The following PHF24 variants were observed in gnomAD, a reference collection of about 807,000 sequenced individuals.
The protein encoded by PHF24 is PHD finger protein 24, also known as Galpha inhibitory interacting protein.
Under a neutral mutation model 42.6 loss-of-function variants are expected in PHF24, and 25 were observed. The ratio of observed to expected loss-of-function variants is 0.59; its 90% CI spans 0.43 to 0.82. PHF24 has a LOEUF of 0.82. Ranked by LOEUF, PHF24 falls within the 40% of genes least tolerant of loss-of-function variation. The pLI is 0.00. For missense variants in PHF24, 470 were observed against 538.1 expected, an observed-to-expected ratio of 0.87 and a Z score of 1.25; for synonymous variants, 185 against 204.8, an observed-to-expected ratio of 0.90 and a Z score of 0.83.
chr9:34,855,294 G>A, the PHF24 span, among the ~76,000 whole-genome samples: 12 of 152,274 alleles, frequency 7.9e-5, no homozygotes, highest in Admixed American at 3.9e-4. Flanking sequence ...ACATTGTTAT[G>A]TGTGAATTTG....
chr9:34,716,076 G>C, the PHF24 span, among the ~76,000 whole-genome samples: 1 of 152,178 alleles, frequency 6.6e-6, no homozygotes, highest in Non-Finnish European at 1.5e-5. Flanking sequence ...CAAAGGGCCT[G>C]GGTGCGTTGC....
At chr9:34,850,179 T>C in the PHF24 span, among the ~76,000 whole-genome samples, 27 of 152,332 alleles carry the variant, frequency 1.8e-4, no homozygotes, top group African/African-American at 6.0e-4. Context: ...TTCTCCTGGA[T>C]AATATCCTGC....
chr9:34,966,806 A>G (rs1213400260), intron 1 of PHF24, among the ~76,000 whole-genome samples: 4 of 152,106 alleles, frequency 2.6e-5, no homozygotes, highest in African/African-American at 7.2e-5. Flanking sequence ...GTCTCAAGCA[A>G]TCCTCATGCT....
chr9:34,725,663 A>C, the PHF24 span: 1 of 1,536,494 alleles, frequency 6.5e-7, no homozygotes, highest in Non-Finnish European at 8.8e-7. Flanking sequence ...CCTCTGTAGC[A>C]GGTGCCACTC....
the PHF24 span, among the ~76,000 whole-genome samples, chr9:34,873,111 G>T: frequency 6.6e-6 from 1 of 150,522 alleles, no homozygotes; most frequent in East Asian, 1.9e-4. Flanking sequence ...TTAGCCCTTT[G>T]TCAGATGAGT....
chr9:34,669,866 G>A, the PHF24 span, among the ~76,000 whole-genome samples: 1 of 152,134 alleles, frequency 6.6e-6, no homozygotes, highest in Non-Finnish European at 1.5e-5. Context: ...AGATGAGATG[G>A]CTCAGGTTAG....
At chr9:34,768,114 C>T in the PHF24 span, among the ~76,000 whole-genome samples, 30 of 152,280 alleles carry the variant, frequency 2.0e-4, no homozygotes, top group Non-Finnish European at 2.5e-4. Flanking sequence ...TCTGCTCATG[C>T]GCATACTACA....
At position 34,971,172 on chromosome 9, in the gene PHF24, C is replaced by A. The variant is rs754941379; in HGVS notation, c.-4-123C>A. The A allele has an allele frequency of 8.3e-4, 826 of 990,340 alleles. 2 individuals carry two copies. The highest frequency in any genetic ancestry group is 1.1e-3 in the Non-Finnish European group (747 of 681,462). The allele number at this position is 990,340 out of a possible 1,614,324, so 61.3% of individuals were successfully genotyped here. On this transcript the variant is annotated intron_variant, in intron 1 of 7. Coordinates refer to ENST00000242315, the Ensembl canonical transcript of PHF24. Reference sequence around the variant, plus strand: ...TGATCCTTAACATGTGCTGTCTCCACCCCCACCATGTTCTAGAAGAGGGAG... The same window carrying A: ...TGATCCTTAACATGTGCTGTCTCCAACCCCACCATGTTCTAGAAGAGGGAG...
exon 8 of PHF24, chr9:34,981,871 T>C (rs984701777): frequency 4.6e-5 from 7 of 152,098 alleles, no homozygotes; most frequent in Non-Finnish European, 1.0e-4. Flanking sequence ...TGGCGAGATC[T>C]CCTGGAGTGG....
At chr9:34,690,994 A>G in the PHF24 span, 2 of 1,092,092 alleles carry the variant, frequency 1.8e-6, no homozygotes, top group Non-Finnish European at 2.7e-6. Flanking sequence ...TGAACTCACC[A>G]TGTCCCTTAC....
intron 1 of PHF24, among the ~76,000 whole-genome samples, chr9:34,959,549 C>T (rs563855276): frequency 4.6e-5 from 7 of 152,224 alleles, no homozygotes; most frequent in African/African-American, 1.4e-4. Flanking sequence ...AGGTGCCTGC[C>T]GAGCATAGGG....
At chr9:34,797,443 G>A in the PHF24 span, among the ~76,000 whole-genome samples, 1 of 152,154 alleles carries the variant, frequency 6.6e-6, no homozygotes, top group African/African-American at 2.4e-5. Flanking sequence ...TATTGAGGGA[G>A]GTAGCTCTCA....
chr9:34,709,461 C>T, the PHF24 span: 5 of 1,613,208 alleles, frequency 3.1e-6, no homozygotes, highest in African/African-American at 5.3e-5. Context: ...GAGGGGCTGA[C>T]TGAGGCTCCC....
chr9:34,848,672 A>G, the PHF24 span, among the ~76,000 whole-genome samples: 1 of 150,994 alleles, frequency 6.6e-6, no homozygotes, highest in East Asian at 2.0e-4. Context: ...TTGCTTTTCT[A>G]GTTCTTGTAA....
chr9:34,751,421 A>G, the PHF24 span, among the ~76,000 whole-genome samples: 14 of 152,216 alleles, frequency 9.2e-5, no homozygotes, highest in African/African-American at 3.1e-4. Flanking sequence ...CAGACAAAAT[A>G]GATTTGAAGA....
the PHF24 span, among the ~76,000 whole-genome samples, chr9:34,809,440 C>T: frequency 7.9e-5 from 12 of 152,140 alleles, no homozygotes; most frequent in Non-Finnish European, 1.5e-4. The surrounding 1 kb of genome is among the most constrained non-coding windows in gnomAD (Gnocchi z 4.1). Flanking sequence ...TTTGAATAGT[C>T]TGAGGGATGA....
chr9:34,667,721 C>T, the PHF24 span, among the ~76,000 whole-genome samples: 4 of 152,166 alleles, frequency 2.6e-5, no homozygotes, highest in South Asian at 2.1e-4. Flanking sequence ...AGAGGTCTTC[C>T]GCAGTCTCCA....
At chr9:34,922,402 A>T in the PHF24 span, 2 of 1,393,072 alleles carry the variant, frequency 1.4e-6, no homozygotes. Context: ...AACACGGAGA[A>T]GTTAAGGGCC....
chr9:34,697,670 A>C, the PHF24 span, among the ~76,000 whole-genome samples: 1 of 152,232 alleles, frequency 6.6e-6, no homozygotes, highest in Non-Finnish European at 1.5e-5. Context: ...TCCTTGGACT[A>C]TACCTTGAAT....
Sources: gnomAD v4.1 joint callset for allele counts (sites outside exome capture counted in the v4.1 genomes callset) on GRCh38, gnomAD v4.1.1 for gene constraint, Gnocchi (gnomAD v3.1) non-coding constraint, MANE v1.5 for transcripts, NCBI Gene and HGNC (gene_info 2026-07-23, HGNC 2026-07-21) for gene names.